Variants in SH3PXD2A observed in about 807,000 individuals in gnomAD.
SH3PXD2A encodes SH3 and PX domain-containing protein 2A.
Under a neutral mutation model 115.2 loss-of-function variants are expected in SH3PXD2A, and 32 were observed. The observed-to-expected ratio is 0.28, with a 90% CI of 0.21 to 0.37. SH3PXD2A has a LOEUF of 0.37. Among genes scored for constraint, SH3PXD2A ranks in the 10% least tolerant of loss-of-function variants. The probability of loss-of-function intolerance (pLI) is 1.00; values close to 1 mark genes in which losing one functional copy is unlikely to be tolerated. For synonymous variants in SH3PXD2A, 610 were observed against 629.1 expected (o/e 0.97, Z 0.45); for missense variants, 1,328 against 1,498.7 (o/e 0.89, Z 1.88).
Position 103,783,545 on chromosome 10 carries a change from C to T in SH3PXD2A, c.154-16376G>A, listed in dbSNP as rs552734984. Among the ~76,000 whole-genome samples, 21 of 152,268 alleles carry T rather than the reference C, an allele frequency of 1.4e-4. No homozygotes were observed. In the South Asian group the frequency reaches 2.7e-3, roughly 20 times the overall value. ...TGGCCAGGTGTGGGGTGGTCCCAAC[C>T]GGGTTTGAATCCCTTTTGGCATCTT... On this transcript the variant is annotated intron_variant, in intron 2 of 14. Transcript: ENST00000369774.
chr10:103,645,986 T>C (rs768008267), intron 8 of SH3PXD2A, among the ~76,000 whole-genome samples: 5 of 152,312 alleles, frequency 3.3e-5, no homozygotes, highest in African/African-American at 9.6e-5. Flanking sequence ...AACTGTAAAA[T>C]AGGCATCACA....
chr10:103,622,572 A>G lies in SH3PXD2A; in HGVS notation c.719-19T>C. On this transcript the variant is annotated intron_variant, in intron 9 of 14. Transcript: ENST00000369774. ...TTGGACACTGGTGTGGGAGATGGCG[A>G]TGGAGCATGCGGCCAACAGCAACCG... The G allele has an allele frequency of 7.3e-7, 1 of 1,377,894 alleles. No homozygotes were observed. The highest frequency in any genetic ancestry group is 9.7e-7 in the Non-Finnish European group (1 of 1,033,292). 85.4% of individuals were successfully genotyped at this position (1,377,894 alleles called of 1,614,324 possible).
At chr10:103,691,646 G>A (rs933880978) in intron 6 of SH3PXD2A, among the ~76,000 whole-genome samples, 5 of 152,028 alleles carry the variant, frequency 3.3e-5, no homozygotes, top group Admixed American at 1.3e-4. Context: ...CAGGTGATAG[G>A]CAAGTGCACA....
chr10:103,671,585 C>G (rs2037460433), intron 6 of SH3PXD2A, among the ~76,000 whole-genome samples: 1 of 152,230 alleles, frequency 6.6e-6, no homozygotes, highest in African/African-American at 2.4e-5. Context: ...CCCCTTCTCT[C>G]TAGCCCACCC....
intron 1 of SH3PXD2A, among the ~76,000 whole-genome samples, chr10:103,815,778 A>G (rs1044410896): frequency 6.6e-6 from 1 of 151,782 alleles, no homozygotes; most frequent in African/African-American, 2.4e-5. Context: ...AATCCCAGCT[A>G]CTCAGGAGGC....
intron 3 of SH3PXD2A, among the ~76,000 whole-genome samples, chr10:103,749,111 G>A (rs1169569860): frequency 2.6e-5 from 4 of 151,920 alleles, no homozygotes; most frequent in Admixed American, 6.6e-5. Context: ...GGCTGGTTTC[G>A]AACTCCTGAC....
chr10:103,661,094 G>C lies in SH3PXD2A; in HGVS notation c.493C>G (p.Pro165Ala). The C allele has an allele frequency of 6.2e-7, 1 of 1,613,518 alleles. No homozygotes were observed. The highest frequency in any genetic ancestry group is 8.5e-7 in the Non-Finnish European group (1 of 1,179,692). The change falls in exon 8 of 15, where the codon CCC becomes GCC. Residue 165 changes from proline (P) to alanine (A), a missense_variant. By Grantham distance (27) the Pro-to-Ala change is conservative. This residue lies in a region of SH3PXD2A where 90 missense variants were observed against 71.1 expected (regional missense o/e 1.27). Transcript: ENST00000369774. ...ACCACGTACTGTTCCAGGATCATGG[G>C]CTCGGCGGTGGCGTCGGCACCTGGC... ...DVTGADATAE[P>A]MILEQYVVVS...
At chr10:103,741,022 A>T (rs930412996) in intron 3 of SH3PXD2A, among the ~76,000 whole-genome samples, 2 of 152,244 alleles carry the variant, frequency 1.3e-5, no homozygotes, top group Non-Finnish European at 2.9e-5. Flanking sequence ...TAATTTGGTT[A>T]TACTTCCAGG....
intron 11 of SH3PXD2A, 56 bp downstream of exon 11, chr10:103,617,141 T>C: frequency 1.6e-6 from 2 of 1,285,780 alleles, no homozygotes; most frequent in Non-Finnish European, 2.3e-6. Context: ...CTTTGCACTC[T>C]GCCCAGGGCC....
intron 1 of SH3PXD2A, among the ~76,000 whole-genome samples, chr10:103,834,392 AG>A (rs1322369791): frequency 2.6e-5 from 4 of 152,262 alleles, no homozygotes; most frequent in African/African-American, 9.6e-5. Flanking sequence ...GCCAGTCCAC[AG>A]GGACAGAAAG....
intron 2 of SH3PXD2A, among the ~76,000 whole-genome samples, chr10:103,783,546 G>A (rs564750618): frequency 4.5e-4 from 69 of 152,322 alleles, no homozygotes; most frequent in Middle Eastern, 3.4e-3. Flanking sequence ...GGTCCCAACC[G>A]GGTTTGAATC....
At chr10:103,605,981 G>T (rs999882547) in intron 13 of SH3PXD2A, 64 bp from the exon 14 acceptor site, 1 of 1,587,122 alleles carries the variant, frequency 6.3e-7, no homozygotes, top group Non-Finnish European at 8.6e-7. Context: ...TTGGCCAAGG[G>T]TTGGTCCCCA....
chr10:103,811,055 C>A (rs1024420877), intron 1 of SH3PXD2A, among the ~76,000 whole-genome samples: 7 of 152,154 alleles, frequency 4.6e-5, no homozygotes, highest in Admixed American at 6.5e-5. Flanking sequence ...AGCTCTGCTG[C>A]CCAGGGCTGG....
At chr10:103,816,616 G>A (rs144818577) in intron 1 of SH3PXD2A, among the ~76,000 whole-genome samples, 4 of 152,246 alleles carry the variant, frequency 2.6e-5, no homozygotes, top group African/African-American at 9.6e-5. Flanking sequence ...ATGGTTAAAC[G>A]TAGCGTCACC....
intron 2 of SH3PXD2A, among the ~76,000 whole-genome samples, chr10:103,782,202 C>A (rs1353736812): frequency 6.6e-6 from 1 of 152,232 alleles, no homozygotes; most frequent in African/African-American, 2.4e-5. Context: ...GCCGGTGCTA[C>A]TCAAGGCAGA....
chr10:103,836,038 A>G (rs1248935651), intron 1 of SH3PXD2A, among the ~76,000 whole-genome samples: 1 of 152,100 alleles, frequency 6.6e-6, no homozygotes, highest in Admixed American at 6.5e-5. Flanking sequence ...TGAGTGAGTG[A>G]CTCAGCCTTT....
At chr10:103,664,933 A>G (rs1351674432) in intron 7 of SH3PXD2A, among the ~76,000 whole-genome samples, 4 of 152,084 alleles carry the variant, frequency 2.6e-5, no homozygotes, top group African/African-American at 9.7e-5. Flanking sequence ...TTGGCCTCCC[A>G]AAGTGCTGGG....
chr10:103,854,162 G>A (rs887357182), intron 1 of SH3PXD2A, among the ~76,000 whole-genome samples: 7 of 152,224 alleles, frequency 4.6e-5, no homozygotes, highest in African/African-American at 1.7e-4. Flanking sequence ...TGCAACAGTG[G>A]AAGAAAAGGC....
At chr10:103,660,469 G>A (rs2037277994) in intron 8 of SH3PXD2A, among the ~76,000 whole-genome samples, 1 of 152,154 alleles carries the variant, frequency 6.6e-6, no homozygotes, top group Admixed American at 6.5e-5. Flanking sequence ...GCTCGGCAGG[G>A]GGCAGTCAGA....
Sources: gnomAD v4.1 joint callset for allele counts (sites outside exome capture counted in the v4.1 genomes callset) on GRCh38, gnomAD v4.1.1 for gene constraint, gnomAD v4.1.1 regional missense constraint, MANE v1.5 for transcripts, NCBI Gene and HGNC (gene_info 2026-07-23, HGNC 2026-07-21) for gene names.